RSPO2: variants seen among roughly 807,000 people sequenced by gnomAD.
The protein encoded by RSPO2 is R-spondin-2.
Under a neutral mutation model 30.9 loss-of-function variants are expected in RSPO2, and 14 were observed. The ratio of observed to expected loss-of-function variants is 0.45; its 90% CI spans 0.30 to 0.71. The LOEUF is 0.71. Ranked by LOEUF, RSPO2 falls within the 30% of genes least tolerant of loss-of-function variation. The pLI, the probability that RSPO2 is intolerant of heterozygous loss-of-function variation, is 0.08. For synonymous variants in RSPO2, 107 were observed against 96.4 expected (o/e 1.11, Z -0.64); for missense variants, 264 against 301.9 (o/e 0.87, Z 0.93).
At chr8:108,037,938 G>A (rs1484898203) in intron 2 of RSPO2, among the ~76,000 whole-genome samples, 1 of 152,156 alleles carries the variant, frequency 6.6e-6, no homozygotes, top group East Asian at 1.9e-4. Flanking sequence ...GGAGATTAAT[G>A]TTTTCATGCC....
chr8:107,970,715 A>G (rs564409397), intron 3 of RSPO2, among the ~76,000 whole-genome samples: 2 of 152,352 alleles, frequency 1.3e-5, no homozygotes, highest in South Asian at 2.1e-4. Flanking sequence ...TTCTATTTTA[A>G]TAAGTTTTTA....
chr8:108,000,734 G>C (rs1215497365), intron 2 of RSPO2, among the ~76,000 whole-genome samples: 1 of 152,042 alleles, frequency 6.6e-6, no homozygotes, highest in African/African-American at 2.4e-5. Flanking sequence ...GGGCACGGTG[G>C]CTCATGCCTG....
chr8:108,078,295 C>T lies in RSPO2; in HGVS notation c.94+4250G>A, dbSNP rs569532342. Among the ~76,000 whole-genome samples the T allele has an allele frequency of 1.6e-4, 24 of 152,136 alleles. 1 individual carries two copies. Among genetic ancestry groups the T allele is most frequent in the South Asian group, 1.2e-3 (6 of 4,814 alleles). The stretch of plus-strand genomic sequence containing the variant: ...AAGACCCTGCCTTAAAAAATTATGC[C>T]GTTATGTTGGAAGAGAAAGCAGCCA... On this transcript the variant is annotated intron_variant, in intron 2 of 5. Coordinates refer to ENST00000276659, the MANE Select transcript of RSPO2 (RefSeq NM_178565.5).
chr8:107,918,259 T>A (rs1812039791), intron 5 of RSPO2, among the ~76,000 whole-genome samples: 1 of 152,194 alleles, frequency 6.6e-6, no homozygotes, highest in South Asian at 2.1e-4. Flanking sequence ...GCATATTTAT[T>A]TTTCTCTACC....
intron 2 of RSPO2, among the ~76,000 whole-genome samples, chr8:108,077,827 T>C (rs1813060535): frequency 6.6e-6 from 1 of 152,152 alleles, no homozygotes; most frequent in African/African-American, 2.4e-5. Flanking sequence ...AAAAATAAGC[T>C]TCATGTCATC....
chr8:108,018,484 A>G (rs940783289), intron 2 of RSPO2, among the ~76,000 whole-genome samples: 5 of 152,230 alleles, frequency 3.3e-5, no homozygotes, highest in Non-Finnish European at 7.3e-5. Flanking sequence ...ACTTTCCTAC[A>G]TAAGAGACAA....
chr8:107,924,874 T>C (rs1283634334), intron 5 of RSPO2, among the ~76,000 whole-genome samples: 1 of 151,696 alleles, frequency 6.6e-6, no homozygotes. Flanking sequence ...AGTAGATTTA[T>C]GGTTTAAATA....
At chr8:108,014,872 G>GT (rs2130595967) in intron 2 of RSPO2, among the ~76,000 whole-genome samples, 1 of 151,304 alleles carries the variant, frequency 6.6e-6, no homozygotes, top group African/African-American at 2.4e-5. Flanking sequence ...AAAAAATTCG[G>GT]TAGATTGGAA....
intron 2 of RSPO2, among the ~76,000 whole-genome samples, chr8:108,053,081 C>G (rs953607070): frequency 3.9e-5 from 6 of 152,096 alleles, no homozygotes; most frequent in African/African-American, 1.4e-4. Context: ...TTGGATTTTA[C>G]GTATTCTAGG....
At chr8:108,014,582 A>C (rs1408299921) in intron 2 of RSPO2, among the ~76,000 whole-genome samples, 4 of 152,130 alleles carry the variant, frequency 2.6e-5, no homozygotes, top group Non-Finnish European at 5.9e-5. Flanking sequence ...TTCTCAGCAA[A>C]TTAACACAGG....
Position 108,023,953 on chromosome 8 carries a change from TAAGATAATAAAAACCCAGGAAGC to T in RSPO2, c.95-34732_95-34710del, listed in dbSNP as rs1279439757. ...CTAGTTAGAAGCCACTCAGATTACCTAAGATAATAAAAACCCAGGAAGCATAAGGGCTCTTTTGACCACACATT... is the reference window on the plus strand; with the variant it reads ...CTAGTTAGAAGCCACTCAGATTACCTATAAGGGCTCTTTTGACCACACATT... On this transcript the variant is annotated intron_variant, in intron 2 of 5. Coordinates refer to ENST00000276659, the MANE Select transcript of RSPO2 (RefSeq NM_178565.5). Among the ~76,000 whole-genome samples the T allele has an allele frequency of 7.2e-5, 11 of 152,194 alleles. No individual in the cohort carries two copies. In the South Asian group the frequency reaches 2.3e-3, roughly 32 times the overall value.
intron 2 of RSPO2, among the ~76,000 whole-genome samples, chr8:107,997,435 C>T (rs748828555): frequency 3.9e-5 from 6 of 152,130 alleles, no homozygotes; most frequent in Non-Finnish European, 7.3e-5. Flanking sequence ...CCCTAAAGCC[C>T]GCTGAGATCC....
chr8:108,076,386 T>C (rs1010852654), intron 2 of RSPO2, among the ~76,000 whole-genome samples: 1 of 152,186 alleles, frequency 6.6e-6, no homozygotes, highest in Non-Finnish European at 1.5e-5. Context: ...AAAAATGGAA[T>C]GTGGCAGCAC....
intron 3 of RSPO2, among the ~76,000 whole-genome samples, chr8:107,961,823 T>C (rs1347974106): frequency 6.6e-6 from 1 of 152,210 alleles, no homozygotes; most frequent in Non-Finnish European, 1.5e-5. Context: ...ATTTTTCCAC[T>C]AAACCACATA....
chr8:107,997,470 C>G (rs777282556), intron 2 of RSPO2, among the ~76,000 whole-genome samples: 2 of 152,170 alleles, frequency 1.3e-5, no homozygotes, highest in Non-Finnish European at 2.9e-5. Flanking sequence ...CCAACCAAAA[C>G]AGTTTTCTAA....
At chr8:108,006,359 GA>G in intron 2 of RSPO2, among the ~76,000 whole-genome samples, 1 of 152,040 alleles carries the variant, frequency 6.6e-6, no homozygotes, top group Middle Eastern at 3.4e-3. Context: ...TAATATTTAT[GA>G]AAAATTATTT....
intron 5 of RSPO2, among the ~76,000 whole-genome samples, chr8:107,957,826 A>AT (rs1359067116): frequency 6.6e-6 from 1 of 152,186 alleles, no homozygotes; most frequent in Non-Finnish European, 1.5e-5. Flanking sequence ...TAGAAATCTC[A>AT]TTTTAGAAAG....
chr8:108,047,205 G>T (rs1341733113), intron 2 of RSPO2, among the ~76,000 whole-genome samples: 1 of 152,134 alleles, frequency 6.6e-6, no homozygotes, highest in Non-Finnish European at 1.5e-5. Context: ...TATTATCCAG[G>T]ATATGAAGTA....
At chr8:107,921,008 G>C (rs1812148670) in intron 5 of RSPO2, among the ~76,000 whole-genome samples, 1 of 151,920 alleles carries the variant, frequency 6.6e-6, no homozygotes, top group Non-Finnish European at 1.5e-5. Flanking sequence ...GCAATTAGAG[G>C]ACTAACATGA....
Sources: allele counts gnomAD v4.1 joint callset (sites outside exome capture counted in the v4.1 genomes callset), GRCh38; gene constraint gnomAD v4.1.1; transcripts MANE v1.5; gene names NCBI Gene and HGNC (gene_info 2026-07-23, HGNC 2026-07-21).